The following CABIN1 variants were observed in gnomAD, a reference collection of about 807,000 sequenced individuals.
CABIN1 encodes calcineurin binding protein 1.
A neutral mutation model predicts 227.7 loss-of-function variants in CABIN1; 133 were observed. The observed-to-expected ratio is 0.58, with a 90% CI of 0.51 to 0.67. The LOEUF (loss-of-function observed/expected upper bound fraction) is 0.67, where lower values mean the gene tolerates loss of function less well. Among genes scored for constraint, CABIN1 ranks in the 30% least tolerant of loss-of-function variants. The pLI, the probability that CABIN1 is intolerant of heterozygous loss-of-function variation, is 0.00. For missense variants in CABIN1, 2,408 were observed against 2,852.5 expected (o/e 0.84, Z 3.55); for synonymous variants, 1,086 against 1,155.1 (o/e 0.94, Z 1.21).
chr22:24,076,366 A>G (rs1178857555), intron 19 of CABIN1, 82 bp downstream of exon 19: 1 of 1,131,620 alleles, frequency 8.8e-7, no homozygotes, highest in African/African-American at 1.5e-5. Flanking sequence ...GGACAGATTC[A>G]TGTTGGCACG....
intron 34 of CABIN1, among the ~76,000 whole-genome samples, chr22:24,175,042 T>A (rs913415505): frequency 6.6e-6 from 1 of 152,244 alleles, no homozygotes; most frequent in Non-Finnish European, 1.5e-5. Flanking sequence ...CTCTCCTCTG[T>A]TAGATCTAAG....
At chr22:24,136,357 T>G (rs900908314) in intron 29 of CABIN1, among the ~76,000 whole-genome samples, 10 of 142,246 alleles carry the variant, frequency 7.0e-5, no homozygotes, top group African/African-American at 2.4e-4. Context: ...CTTTTTTTTT[T>G]TTTTTTTTTT....
At chr22:24,065,777 G>A (rs369726234) in intron 15 of CABIN1, among the ~76,000 whole-genome samples, 7 of 152,390 alleles carry the variant, frequency 4.6e-5, no homozygotes, top group Admixed American at 2.0e-4. Flanking sequence ...CGAGGCTGGC[G>A]GATCACTCGC....
At chr22:24,015,563 C>T (rs189347587) in intron 1 of CABIN1, among the ~76,000 whole-genome samples, 146 of 151,730 alleles carry the variant, frequency 9.6e-4, no homozygotes, top group African/African-American at 3.3e-3. Context: ...CCAGGATGGT[C>T]TCGATCTTCT....
chr22:24,134,273 C>T lies in CABIN1; in HGVS notation c.4633-29C>T, dbSNP rs2044255950. 1.3e-5 allele frequency: 20 copies of T among 1,577,706 alleles called. 1 individual carries two copies. In the East Asian group the frequency reaches 4.5e-4, roughly 36 times the overall value. On this transcript the variant is annotated intron_variant, in intron 28 of 36. Transcript: ENST00000263119. ...GGGCGCCCTGAGCAGCCCACACACT[C>T]ACTTTCAACCTACTTCTTGTTTCCC...
Position 24,059,896 on chromosome 22 carries a change from A to G in CABIN1, c.1400-28A>G, listed in dbSNP as rs56288125. 3,720 of 1,599,088 alleles carry G rather than the reference A, an allele frequency of 2.3e-3. 8 individuals are homozygous for G. Among genetic ancestry groups the G allele is most frequent in the Non-Finnish European group, 3.0e-3 (3,487 of 1,166,592 alleles). On this transcript the variant is annotated intron_variant, in intron 11 of 36. Coordinates refer to ENST00000263119, the MANE Select transcript of CABIN1 (RefSeq NM_012295.4). ...TGGCATGGAAGGTACTCTTTATTCA[A>G]GTCAGGTTGTTCTTGCTCCCCGGGC...
intron 12 of CABIN1, 47 bp downstream of exon 12, chr22:24,060,188 ATG>A: frequency 6.5e-7 from 1 of 1,546,424 alleles, no homozygotes; most frequent in Non-Finnish European, 8.9e-7. Context: ...GGACCAGGGC[ATG>A]GGGACAGGGA....
At chr22:24,155,938 C>T in intron 29 of CABIN1, 1 of 507,486 alleles carries the variant, frequency 2.0e-6, no homozygotes. Context: ...GGCCCGCTTC[C>T]AGTAGAGTGC....
chr22:24,105,897 C>G (rs914404492), intron 26 of CABIN1, among the ~76,000 whole-genome samples: 13 of 152,228 alleles, frequency 8.5e-5, no homozygotes, highest in African/African-American at 3.1e-4. Flanking sequence ...ACAGGCAGAC[C>G]CAGCCGGTCC....
chr22:24,157,642 G>C (rs188699648), intron 29 of CABIN1, among the ~76,000 whole-genome samples: 1 of 152,152 alleles, frequency 6.6e-6, no homozygotes, highest in Non-Finnish European at 1.5e-5. Context: ...CACGCCCCAC[G>C]CCATCCCCTC....
chr22:24,042,091 A>G (rs1333686838), intron 5 of CABIN1, among the ~76,000 whole-genome samples: 1 of 152,156 alleles, frequency 6.6e-6, no homozygotes, highest in African/African-American at 2.4e-5. Flanking sequence ...AGCTGGGACT[A>G]TAGGCATGCA....
At chr22:24,173,747 TCGCTTGAAC>T (rs1169053646) in intron 34 of CABIN1, among the ~76,000 whole-genome samples, 1 of 152,062 alleles carries the variant, frequency 6.6e-6, no homozygotes, top group African/African-American at 2.4e-5. Context: ...AGCAGGAGAA[TCGCTTGAAC>T]CCAGGAGGCA....
At chr22:24,046,902 C>A (rs535030025) in intron 6 of CABIN1, among the ~76,000 whole-genome samples, 1 of 152,054 alleles carries the variant, frequency 6.6e-6, no homozygotes, top group East Asian at 1.9e-4. Flanking sequence ...GAAAACCCCC[C>A]CCACCGCAAT....
intron 1 of CABIN1, among the ~76,000 whole-genome samples, chr22:24,028,489 A>G (rs750719613): frequency 1.3e-5 from 2 of 152,192 alleles, no homozygotes; most frequent in Admixed American, 6.5e-5. Context: ...CTGTCCTTCA[A>G]AGGTCATCCT....
chr22:24,091,862 AGG>A lies in CABIN1; in HGVS notation c.3786+21_3786+22del. Reference sequence around the variant, plus strand: ...CCTGGAGGTGACACCATGCTGGCCCAGGGCGGGGAAGCAGGGCAGGGGCAGGC... The same window carrying A: ...CCTGGAGGTGACACCATGCTGGCCCAGCGGGGAAGCAGGGCAGGGGCAGGC... On this transcript the variant is annotated intron_variant, in intron 24 of 36. Coordinates refer to ENST00000263119, the MANE Select transcript of CABIN1 (RefSeq NM_012295.4). 5 of 1,610,808 alleles carry A rather than the reference AGG, an allele frequency of 3.1e-6. No individual in the cohort carries two copies. Among genetic ancestry groups the A allele is most frequent in the Non-Finnish European group, 4.2e-6 (5 of 1,177,562 alleles).
intron 28 of CABIN1, among the ~76,000 whole-genome samples, chr22:24,129,744 T>C (rs2267059): frequency 0.29 from 43,753 of 152,026 alleles, 7,888 homozygotes; most frequent in African/African-American, 0.51. Flanking sequence ...GCTGTGGGAA[T>C]AGTATTCCAG....
At chr22:24,059,902 GT>G in intron 11 of CABIN1, 21 bp from the exon 12 acceptor site, 3 of 1,609,458 alleles carry the variant, frequency 1.9e-6, no homozygotes, top group Non-Finnish European at 2.6e-6. Flanking sequence ...TTCAAGTCAG[GT>G]TGTTCTTGCT....
rs760629573 is a variant in CABIN1 at position 24,165,700 on chromosome 22, G to A, written c.5007+74G>A. ...CAAGCCCTTCCCAGGTGGTGGGCCC[G>A]ATCCCTCTATTTGCATACCCTTAGG... On this transcript the variant is annotated intron_variant, in intron 31 of 36. Transcript: ENST00000263119. 638 of 1,240,034 alleles carry A rather than the reference G, an allele frequency of 5.1e-4. 1 individual carries two copies. Among genetic ancestry groups the A allele is most frequent in the Non-Finnish European group, 6.6e-4 (565 of 861,184 alleles). 76.8% of individuals were successfully genotyped at this position (1,240,034 alleles called of 1,614,324 possible).
intron 6 of CABIN1, among the ~76,000 whole-genome samples, chr22:24,046,419 CTG>C (rs1203319235): frequency 1.3e-5 from 2 of 152,110 alleles, no homozygotes; most frequent in Non-Finnish European, 2.9e-5. Flanking sequence ...TTGTACAGGG[CTG>C]TGTTTTGACT....
Sources: allele counts gnomAD v4.1 joint callset (sites outside exome capture counted in the v4.1 genomes callset), GRCh38; gene constraint gnomAD v4.1.1; transcripts MANE v1.5; gene names NCBI Gene and HGNC (gene_info 2026-07-23, HGNC 2026-07-21).